ZRANB1: variants seen among roughly 807,000 people sequenced by gnomAD.
ZRANB1 encodes ubiquitin thioesterase ZRANB1.
A neutral mutation model predicts 80.5 loss-of-function variants in ZRANB1; 16 were observed. The ratio of observed to expected loss-of-function variants is 0.20; its 90% CI spans 0.13 to 0.30. The LOEUF is 0.30. Ranked by LOEUF, ZRANB1 falls within the 10% of genes least tolerant of loss-of-function variation. The probability of loss-of-function intolerance (pLI) is 1.00; values close to 1 mark genes in which losing one functional copy is unlikely to be tolerated. For synonymous variants in ZRANB1, 291 were observed against 293.1 expected, an observed-to-expected ratio of 0.99 and a Z score of 0.07; for missense variants, 576 against 862.6, an observed-to-expected ratio of 0.67 and a Z score of 4.16.
At chr10:124,974,091 T>C in intron 4 of ZRANB1, 109 bp from the exon 5 acceptor site, 1 of 1,072,828 alleles carries the variant, frequency 9.3e-7, no homozygotes, top group Non-Finnish European at 1.3e-6. Flanking sequence ...TGTTTATTGG[T>C]AAATTACATA....
chr10:124,965,506 G>T, intron 1 of ZRANB1, among the ~76,000 whole-genome samples: 1 of 152,238 alleles, frequency 6.6e-6, no homozygotes, highest in Non-Finnish European at 1.5e-5. Flanking sequence ...CTTTACTAAT[G>T]GTAGAAAATT....
At chr10:124,980,655 T>A (rs936891994) in intron 5 of ZRANB1, among the ~76,000 whole-genome samples, 1 of 152,242 alleles carries the variant, frequency 6.6e-6, no homozygotes, top group African/African-American at 2.4e-5. Context: ...GAAAAATGTT[T>A]TAAACTGAGT....
chr10:124,961,360 A>G (rs919350851), intron 1 of ZRANB1, among the ~76,000 whole-genome samples: 14 of 152,112 alleles, frequency 9.2e-5, no homozygotes, highest in Admixed American at 9.2e-4. Flanking sequence ...ATTTTCAGTA[A>G]TGTTTTAAGT....
chr10:124,968,107 G>A (rs552543799), intron 2 of ZRANB1, among the ~76,000 whole-genome samples: 10 of 152,244 alleles, frequency 6.6e-5, no homozygotes, highest in African/African-American at 2.4e-4. Context: ...ATGTTGGCTA[G>A]GCTGGTCTTG....
intron 2 of ZRANB1, 94 bp from the exon 3 acceptor site, chr10:124,971,871 A>G: frequency 8.2e-7 from 1 of 1,226,332 alleles, no homozygotes; most frequent in Non-Finnish European, 1.1e-6. Context: ...ACCTTGAGTT[A>G]TTGGGAAATT....
the ZRANB1 span, among the ~76,000 whole-genome samples, chr10:124,919,699 C>T: frequency 6.6e-6 from 1 of 150,518 alleles, no homozygotes; most frequent in South Asian, 2.1e-4. Context: ...GCAACCTCCG[C>T]CTTCCGTGTT....
rs368005353 is a variant in ZRANB1 at position 124,954,302 on chromosome 10, A to G, written c.814+10995A>G. 8.6e-5 allele frequency among the ~76,000 whole-genome samples: 13 copies of G among 151,354 alleles called. No homozygotes were observed. In the East Asian group the frequency reaches 1.6e-3, roughly 18 times the overall value. ...TGCCTGGCCCCTTTTTTCTTAATACATTGTTTTACGTATGAATGGAGGCAG... is the reference window on the plus strand; with the variant it reads ...TGCCTGGCCCCTTTTTTCTTAATACGTTGTTTTACGTATGAATGGAGGCAG... On this transcript the variant is annotated intron_variant, in intron 1 of 8. Transcript: ENST00000359653.
chr10:124,981,893 AT>A, intron 6 of ZRANB1, 64 bp downstream of exon 6: 1 of 1,589,198 alleles, frequency 6.3e-7, no homozygotes, highest in South Asian at 1.1e-5. Flanking sequence ...AAACTGGTTT[AT>A]TTGAGCAAAC....
Position 124,952,283 on chromosome 10 carries a change from G to T in ZRANB1, c.814+8976G>T, listed in dbSNP as rs181170571. On this transcript the variant is annotated intron_variant, in intron 1 of 8. Coordinates refer to ENST00000359653, the MANE Select transcript of ZRANB1 (RefSeq NM_017580.3). ...ATCTGGGTGGGTGGTGTAATCACAA[G>T]CGTCCTTGTAAATCACAGCGGGAGA... 2.6e-5 allele frequency among the ~76,000 whole-genome samples: 4 copies of T among 152,324 alleles called. No individual in the cohort carries two copies. In the East Asian group the frequency reaches 7.7e-4, roughly 29 times the overall value.
chr10:124,917,876 C>T, the ZRANB1 span, among the ~76,000 whole-genome samples: 3 of 152,244 alleles, frequency 2.0e-5, no homozygotes, highest in African/African-American at 7.2e-5. Context: ...TGTTTTTTCT[C>T]TGCTATGGTT....
intron 1 of ZRANB1, among the ~76,000 whole-genome samples, chr10:124,953,303 A>G (rs17152402): frequency 0.03 from 4,571 of 152,220 alleles, 216 homozygotes; most frequent in African/African-American, 0.1. Context: ...GGTCAGAGCC[A>G]TTGTTAATAA....
In ZRANB1 at chr10:124,942,269, C is replaced by T; in HGVS notation, c.-225C>T. ...TAAATCCCAGGGTCTAAGATTTTTTCTTTGAGAATTTATCTCCAGTGTTTC... is the reference window on the plus strand; with the variant it reads ...TAAATCCCAGGGTCTAAGATTTTTTTTTTGAGAATTTATCTCCAGTGTTTC... On this transcript the variant is annotated 5_prime_UTR_variant, in exon 1 of 9. Transcript: ENST00000359653. 4 of 1,362,752 alleles carry T rather than the reference C, an allele frequency of 2.9e-6. No homozygotes were observed. Among genetic ancestry groups the T allele is most frequent in the African/African-American group, 1.5e-5 (1 of 68,346 alleles). The allele number at this position is 1,362,752 out of a possible 1,614,324, so 84.4% of individuals were successfully genotyped here.
intron 1 of ZRANB1, among the ~76,000 whole-genome samples, chr10:124,960,741 T>A (rs1951726446): frequency 6.6e-6 from 1 of 151,990 alleles, no homozygotes; most frequent in South Asian, 2.1e-4. Context: ...ACTTTTAAAA[T>A]GTTCATTTAC....
intron 1 of ZRANB1, among the ~76,000 whole-genome samples, chr10:124,957,210 A>G (rs374714643): frequency 1.3e-5 from 2 of 150,882 alleles, no homozygotes; most frequent in African/African-American, 4.9e-5. Flanking sequence ...ATTTTTGAAG[A>G]TTCCACTTTT....
intron 2 of ZRANB1, among the ~76,000 whole-genome samples, chr10:124,968,158 A>G (rs920598422): frequency 3.3e-5 from 5 of 152,274 alleles, no homozygotes; most frequent in Admixed American, 2.6e-4. Context: ...CGGCCCCCCA[A>G]AGTGCTGGGA....
chr10:124,949,477 A>G (rs1951615783), intron 1 of ZRANB1, among the ~76,000 whole-genome samples: 1 of 150,670 alleles, frequency 6.6e-6, no homozygotes, highest in Non-Finnish European at 1.5e-5. Flanking sequence ...ACACACATAT[A>G]TGTATATATA....
chr10:124,974,211 G>T lies in ZRANB1; in HGVS notation c.1240G>T (p.Glu414Ter), dbSNP rs1476546944. The T allele has an allele frequency of 6.2e-7, 1 of 1,614,174 alleles. No individual in the cohort carries two copies. Among genetic ancestry groups the T allele is most frequent in the Non-Finnish European group, 8.5e-7 (1 of 1,179,998 alleles). ...DRDVQKELEE[E>*]SPIINWSLEL... ...AATCCATCGTACAGAATTAGAAGAA[G>T]AATCTCCAATTATTAACTGGTCCTT... Residue 414 changes from glutamate (E) to a stop codon, truncating the protein, a stop_gained, in exon 5 of 9, where the codon GAA becomes TAA. Transcript: ENST00000359653. LOFTEE classifies it high-confidence loss of function.
Position 124,987,244 on chromosome 10 carries a change from A to G in ZRANB1, c.*2252A>G, listed in dbSNP as rs1382016332. On this transcript the variant is annotated 3_prime_UTR_variant, in exon 9 of 9. Coordinates refer to ENST00000359653, the MANE Select transcript of ZRANB1 (RefSeq NM_017580.3). ...GATTATACGTGGCTAGGTGACAGAC[A>G]TTAATGACTGACTCTGGAGAGTAAG... The G allele has an allele frequency of 1.3e-5, 2 of 152,614 alleles. No individual in the cohort carries two copies. Among genetic ancestry groups the G allele is most frequent in the Non-Finnish European group, 2.9e-5 (2 of 68,034 alleles). The allele number at this position is 152,614 out of a possible 1,614,324, so 9.5% of individuals were successfully genotyped here. A position where few individuals can be genotyped will look rare whatever the true frequency, so the allele number is the denominator to read the frequency against.
At position 124,969,395 on chromosome 10, in the gene ZRANB1, T is replaced by G. The variant is rs185375982; in HGVS notation, c.1003-2570T>G. On this transcript the variant is annotated intron_variant, in intron 2 of 8. Transcript: ENST00000359653. Reference sequence around the variant, plus strand: ...CAAAGGACAGAATTAAAGGGGCCAGTAGGGAGACTGGAAGTGGGGGAGTCT... The same window carrying G: ...CAAAGGACAGAATTAAAGGGGCCAGGAGGGAGACTGGAAGTGGGGGAGTCT... Among the ~76,000 whole-genome samples, 20 of 152,094 alleles carry G rather than the reference T, an allele frequency of 1.3e-4. No homozygotes were observed. In the East Asian group the frequency reaches 3.9e-3, roughly 29 times the overall value.
Sources: allele counts gnomAD v4.1 joint callset (sites outside exome capture counted in the v4.1 genomes callset), GRCh38; gene constraint gnomAD v4.1.1; transcripts MANE v1.5; gene names NCBI Gene and HGNC (gene_info 2026-07-23, HGNC 2026-07-21).